Variants in NTAQ1 observed in about 807,000 individuals in gnomAD.
The protein encoded by NTAQ1 is protein N-terminal glutamine amidohydrolase.
NTAQ1 carries 21 observed loss-of-function variants against 28.2 expected under a neutral mutation model. That is an observed-to-expected ratio of 0.74 (90% CI 0.53 to 1.07). The LOEUF (loss-of-function observed/expected upper bound fraction) is 1.07. Ranked by LOEUF, NTAQ1 falls within the 50% of genes least tolerant of loss-of-function variation. The pLI is 0.00. For missense variants in NTAQ1, 264 were observed against 256.6 expected, an observed-to-expected ratio of 1.03 and a Z score of -0.20; for synonymous variants, 105 against 90.0, an observed-to-expected ratio of 1.17 and a Z score of -0.94.
chr8:123,473,298 CTT>C (rs112065412), downstream of NTAQ1, among the ~76,000 whole-genome samples: 29 of 140,042 alleles, frequency 2.1e-4, no homozygotes, highest in Non-Finnish European at 1.4e-4. Context: ...TCTTGAAATT[CTT>C]TTTTTTTTTT....
At chr8:123,439,770 G>A (rs998885652) in intron 5 of NTAQ1, among the ~76,000 whole-genome samples, 8 of 151,660 alleles carry the variant, frequency 5.3e-5, no homozygotes, top group South Asian at 2.1e-4. Flanking sequence ...GATTACAGGG[G>A]TGAGCCACTG....
At chr8:123,420,322 A>G (rs1307752793) in intron 1 of NTAQ1, among the ~76,000 whole-genome samples, 1 of 152,116 alleles carries the variant, frequency 6.6e-6, no homozygotes, top group Non-Finnish European at 1.5e-5. Flanking sequence ...TTCACCATTG[A>G]TAGGTGCCTA....
intron 1 of NTAQ1, among the ~76,000 whole-genome samples, chr8:123,423,008 G>T (rs1390138365): frequency 1.3e-5 from 2 of 152,168 alleles, no homozygotes; most frequent in Non-Finnish European, 2.9e-5. Flanking sequence ...TGGTCCGTGT[G>T]TCTGTTTTTG....
chr8:123,449,952 T>TGTGC (rs1173494418), downstream of NTAQ1, among the ~76,000 whole-genome samples: 3 of 42,706 alleles, frequency 7.0e-5, no homozygotes, highest in Non-Finnish European at 1.4e-4. Flanking sequence ...TGTGTGTGCA[T>TGTGC]ATATATATAT....
At chr8:123,473,211 C>G (rs1166763064), downstream of NTAQ1, among the ~76,000 whole-genome samples, 1 of 152,072 alleles carries the variant, frequency 6.6e-6, no homozygotes, top group Non-Finnish European at 1.5e-5. Flanking sequence ...AGGCATACAG[C>G]CCTGAGGGAC....
intron 5 of NTAQ1, among the ~76,000 whole-genome samples, chr8:123,438,898 G>C (rs967621874): frequency 1.2e-4 from 19 of 152,150 alleles, no homozygotes; most frequent in African/African-American, 4.6e-4. Context: ...CTGGTAAGGA[G>C]AGGGCTCGAG....
intron 3 of NTAQ1, 89 bp from the exon 4 acceptor site, chr8:123,436,364 A>G: frequency 7.5e-7 from 1 of 1,331,700 alleles, no homozygotes; most frequent in Non-Finnish European, 1.0e-6. Flanking sequence ...GCAGTCCTAT[A>G]TCCTTTTTAG....
chr8:123,452,621 G>T (rs932543252), downstream of NTAQ1, among the ~76,000 whole-genome samples: 3 of 151,524 alleles, frequency 2.0e-5, no homozygotes, highest in African/African-American at 7.3e-5. Context: ...ATTTTAAAAG[G>T]CTGGGCACGG....
intron 3 of NTAQ1, 150 bp from the exon 4 acceptor site, chr8:123,436,303 C>A: frequency 1.7e-6 from 1 of 583,000 alleles, no homozygotes; most frequent in Non-Finnish European, 2.8e-6. Flanking sequence ...TTCATGTTTT[C>A]AGGGTGTTGT....
intron 3 of NTAQ1, among the ~76,000 whole-genome samples, chr8:123,431,439 G>T (rs550363819): frequency 6.6e-6 from 1 of 151,976 alleles, no homozygotes; most frequent in Non-Finnish European, 1.5e-5. Flanking sequence ...CTAGTTTCTG[G>T]GTATTTATTT....
At chr8:123,428,748 C>T (rs1216317564) in intron 2 of NTAQ1, among the ~76,000 whole-genome samples, 1 of 151,840 alleles carries the variant, frequency 6.6e-6, no homozygotes, top group African/African-American at 2.4e-5. Flanking sequence ...CTACAGGTGT[C>T]CCACCACGAT....
At chr8:123,458,666 G>C (rs1815726663) in intron 6 of NTAQ1, among the ~76,000 whole-genome samples, 1 of 150,814 alleles carries the variant, frequency 6.6e-6, no homozygotes, top group Non-Finnish European at 1.5e-5. Flanking sequence ...CTGTTGCCCA[G>C]GCTGGAGTGC....
chr8:123,450,717 A>G (rs10956133), downstream of NTAQ1, among the ~76,000 whole-genome samples: 55,084 of 152,036 alleles, frequency 0.36, 10,099 homozygotes, highest in East Asian at 0.56. Context: ...ACTTTCAGGG[A>G]TATTTCATCC....
intron 5 of NTAQ1, among the ~76,000 whole-genome samples, chr8:123,439,359 T>A (rs535803700): frequency 0.022 from 3,305 of 151,166 alleles, 110 homozygotes; most frequent in African/African-American, 0.073. Flanking sequence ...TTTTTTTTTT[T>A]TGAGACGGAG....
intron 3 of NTAQ1, among the ~76,000 whole-genome samples, chr8:123,434,139 G>C (rs1814559808): frequency 6.6e-6 from 1 of 151,164 alleles, no homozygotes; most frequent in South Asian, 2.2e-4. Context: ...GCTCCTGCCT[G>C]CATTGCTCTC....
At chr8:123,470,134 C>G (rs1283507505), downstream of NTAQ1, among the ~76,000 whole-genome samples, 1 of 152,176 alleles carries the variant, frequency 6.6e-6, no homozygotes, top group Non-Finnish European at 1.5e-5. Flanking sequence ...CAGCTATCTA[C>G]AAGCCAAGAA....
At position 123,441,437 on chromosome 8, in the gene NTAQ1, C is replaced by G; in HGVS notation, c.*22C>G. ...CTGAACTTGGTCTCAAGATGTGGAA[C>G]TGTGGAGAAATTCTAGGACATGAAC... On this transcript the variant is annotated 3_prime_UTR_variant, in exon 6 of 6. Transcript: ENST00000287387. 5.1e-6 allele frequency: 8 copies of G among 1,570,534 alleles called. No homozygotes were observed. The highest frequency in any genetic ancestry group is 7.0e-6 in the Non-Finnish European group (8 of 1,148,662).
intron 4 of NTAQ1, 143 bp from the exon 5 acceptor site, chr8:123,437,067 A>G (rs1411719335): frequency 1.9e-6 from 2 of 1,068,968 alleles, no homozygotes; most frequent in Middle Eastern, 3.2e-4. Context: ...TCTAATAGGT[A>G]GTAAAGTTGC....
chr8:123,473,298 CTTT>C (rs112065412), downstream of NTAQ1, among the ~76,000 whole-genome samples: 3 of 140,088 alleles, frequency 2.1e-5, no homozygotes. Flanking sequence ...TCTTGAAATT[CTTT>C]TTTTTTTTTT....
Sources: allele counts gnomAD v4.1 joint callset (sites outside exome capture counted in the v4.1 genomes callset), GRCh38; gene constraint gnomAD v4.1.1; transcripts MANE v1.5; gene names NCBI Gene and HGNC (gene_info 2026-07-23, HGNC 2026-07-21).